Variants in STAC3 observed in about 807,000 individuals in gnomAD.
The protein encoded by STAC3 is SH3 and cysteine rich domain 3.
Under a neutral mutation model 48.5 loss-of-function variants are expected in STAC3, and 30 were observed. The observed-to-expected ratio is 0.62, with a 90% CI of 0.46 to 0.84. The LOEUF is 0.84. Among genes scored for constraint, STAC3 ranks in the 40% least tolerant of loss-of-function variants. STAC3 has a pLI of 0.00. For synonymous variants in STAC3, 144 were observed against 158.6 expected (o/e 0.91, Z 0.69); for missense variants, 419 against 462.6 (o/e 0.91, Z 0.86).
At position 57,249,034 on chromosome 12, in the gene STAC3, G is replaced by T; in HGVS notation, c.334+7C>A. The T allele has an allele frequency of 6.3e-7, 1 of 1,582,154 alleles. No individual in the cohort carries two copies. The highest frequency in any genetic ancestry group is 1.2e-5 in the South Asian group (1 of 84,786). ...TCATACTCTCTTCACTTCCCTTCAT[G>T]ACTCACGAACAATCATCCGGGCACA... is the stretch of plus-strand genomic sequence containing the variant. On this transcript the variant is annotated splice_region_variant and intron_variant, in intron 3 of 11. Transcript: ENST00000332782.
At chr12:57,249,458 G>A (rs2037847520) in intron 2 of STAC3, 113 bp downstream of exon 2, 18 of 1,506,340 alleles carry the variant, frequency 1.2e-5, no homozygotes, top group Admixed American at 1.8e-5. Context: ...GGGACTGCAG[G>A]TGCTGGCCAG....
chr12:57,249,333 CA>C (rs770908410), intron 2 of STAC3, 25 bp from the exon 3 acceptor site: 46 of 1,552,230 alleles, frequency 3.0e-5, no homozygotes, highest in Non-Finnish European at 3.8e-5. Flanking sequence ...GAAGAAAACC[CA>C]ATGTTAAAAG....
chr12:57,248,029 A>C lies in STAC3; in HGVS notation c.505+97T>G, dbSNP rs543271485. On this transcript the variant is annotated intron_variant, in intron 5 of 11. Transcript: ENST00000332782. ...GTTGAGGGAGAATTATGGGAAACAG[A>C]AAGTTTCTGTTTCAGAATTTGGCTC... 374 of 1,105,836 alleles carry C rather than the reference A, an allele frequency of 3.4e-4. 2 individuals carry two copies. Among genetic ancestry groups the C allele is most frequent in the Non-Finnish European group, 4.9e-4 (352 of 719,272 alleles). The allele number at this position is 1,105,836 out of a possible 1,614,324, so 68.5% of individuals were successfully genotyped here. A position where few individuals can be genotyped will look rare whatever the true frequency, so the allele number is the denominator to read the frequency against.
chr12:57,244,381 G>C lies in STAC3; in HGVS notation c.807-15C>G. The C allele has an allele frequency of 1.9e-6, 3 of 1,614,032 alleles. No individual in the cohort carries two copies. The highest frequency in any genetic ancestry group is 2.5e-6 in the Non-Finnish European group (3 of 1,180,026). ...TCTCTCCTGGCCTGGGAGGGGAAGG[G>C]AGGGGCCTCACTCACATAGCAGGTC... is the stretch of plus-strand genomic sequence containing the variant. On this transcript the variant is annotated splice_polypyrimidine_tract_variant and intron_variant, in intron 9 of 11. Transcript: ENST00000332782.
At chr12:57,245,946 C>T (rs1374551103) in intron 6 of STAC3, among the ~76,000 whole-genome samples, 1 of 151,758 alleles carries the variant, frequency 6.6e-6, no homozygotes, top group Non-Finnish European at 1.5e-5. Context: ...CTCCTCTCTA[C>T]TAAAAATACA....
rs1209001742 is a variant in STAC3 at position 57,243,594 on chromosome 12, G to T, written c.*218C>A. 5 of 698,368 alleles carry T rather than the reference G, an allele frequency of 7.2e-6. No individual in the cohort carries two copies. Among genetic ancestry groups the T allele is most frequent in the Non-Finnish European group, 1.0e-5 (4 of 383,630 alleles). 43.3% of individuals were successfully genotyped at this position (698,368 alleles called of 1,614,324 possible). On this transcript the variant is annotated 3_prime_UTR_variant, in exon 12 of 12. Transcript: ENST00000332782. ...AGCTCTTGCAAGCGGGGCCTGAAAG[G>T]TTTCGGGTCCGGGCTGCTCTGGGCA...
At position 57,248,633 on chromosome 12, in the gene STAC3, AAAGT is replaced by A. The variant is rs2037821325; in HGVS notation, c.432+69_432+72del. On this transcript the variant is annotated intron_variant, in intron 4 of 11. Coordinates refer to ENST00000332782, the MANE Select transcript of STAC3 (RefSeq NM_145064.3). The stretch of plus-strand genomic sequence containing the variant: ...CGTGATCCGCCCACCTCAGCCTCCC[AAAGT>A]GCTGGGATTACAGGCGTGAGCCACC... 4 of 1,238,274 alleles carry A rather than the reference AAAGT, an allele frequency of 3.2e-6. No homozygotes were observed. In the South Asian group the frequency reaches 4.8e-5, roughly 15 times the overall value. 76.7% of individuals were successfully genotyped at this position (1,238,274 alleles called of 1,614,324 possible). A position where few individuals can be genotyped will look rare whatever the true frequency, so the allele number is the denominator to read the frequency against.
rs372885898 is a variant in STAC3 at position 57,244,637 on chromosome 12, G to A, written c.721-15C>T. 56 of 1,613,966 alleles carry A rather than the reference G, an allele frequency of 3.5e-5. No homozygotes were observed. The highest frequency in any genetic ancestry group is 4.3e-5 in the Non-Finnish European group (51 of 1,179,958). Reference sequence around the variant, plus strand: ...GGCTGCTTGTGCTGGGGGTGCAAGGGAATGATGAGTCTTAGGGCTCCTCTA... The same window carrying A: ...GGCTGCTTGTGCTGGGGGTGCAAGGAAATGATGAGTCTTAGGGCTCCTCTA... On this transcript the variant is annotated splice_polypyrimidine_tract_variant and intron_variant, in intron 8 of 11. Transcript: ENST00000332782.
In STAC3 at chr12:57,243,743, C is replaced by G. The variant is rs371377048; in HGVS notation, c.*69G>C. ...CAGCAGTCCCGTTGCTTTCGCCCCC[C>G]TCCCCAAACTCCACTGGGCCCGCCC... On this transcript the variant is annotated 3_prime_UTR_variant, in exon 12 of 12. Coordinates refer to ENST00000332782, the MANE Select transcript of STAC3 (RefSeq NM_145064.3). 6.9e-7 allele frequency: 1 copy of G among 1,455,890 alleles called. No homozygotes were observed. The highest frequency in any genetic ancestry group is 9.6e-7 in the Non-Finnish European group (1 of 1,046,434). The allele number at this position is 1,455,890 out of a possible 1,614,324, so 90.2% of individuals were successfully genotyped here.
intron 1 of STAC3, chr12:57,249,858 C>T (rs928991662): frequency 7.9e-5 from 37 of 470,634 alleles, no homozygotes; most frequent in South Asian, 1.8e-4. Flanking sequence ...CAGCCTGAAG[C>T]GATCCCCCTA....
rs1039430139 is a variant in STAC3 at position 57,245,228 on chromosome 12, A to T, written c.604-17T>A. 4 of 1,613,318 alleles carry T rather than the reference A, an allele frequency of 2.5e-6. No individual in the cohort carries two copies. The highest frequency in any genetic ancestry group is 3.4e-6 in the Non-Finnish European group (4 of 1,179,480). Reference sequence around the variant, plus strand: ...TGCTACAGGCTGGAGGGGGCACCAGAGTTAGGGAGACGCTGTCTTGGGAAC... The same window carrying T: ...TGCTACAGGCTGGAGGGGGCACCAGTGTTAGGGAGACGCTGTCTTGGGAAC... On this transcript the variant is annotated splice_polypyrimidine_tract_variant and intron_variant, in intron 6 of 11. Transcript: ENST00000332782.
rs1175133758 is a variant in STAC3, at chr12:57,244,123, G to T, written c.961C>A (p.Arg321Ser). ...HRVTRSFVGN[R>S]EIGQITLKKD... The stretch of plus-strand genomic sequence containing the variant: ...TTGAGAGTGATCTGCCCTATCTCGC[G>T]GTTCCCCACGAAGGATCTCGTCACG... Residue 321 changes from arginine to serine, a missense_variant, in exon 11 of 12, where the codon CGC becomes AGC. Transcript: ENST00000332782. 1.5e-5 allele frequency: 24 copies of T among 1,613,968 alleles called. No individual in the cohort carries two copies. The highest frequency in any genetic ancestry group is 4.4e-5 in the South Asian group (4 of 91,080).
chr12:57,247,022 G>T, intron 5 of STAC3, 121 bp from the exon 6 acceptor site: 1 of 888,386 alleles, frequency 1.1e-6, no homozygotes, highest in Non-Finnish European at 1.8e-6. Flanking sequence ...TGGCGGTGGG[G>T]GCGCCGCGGG....
chr12:57,244,129 C>G lies in STAC3; in HGVS notation c.955G>C (p.Gly319Arg), dbSNP rs2037673834. Residue 319 changes from glycine (G) to arginine (R), a missense_variant, in exon 11 of 12, where the codon GGG (glycine) becomes CGG (arginine). By Grantham distance (125) the Gly-to-Arg change is moderately radical (BLOSUM62 -2). Transcript: ENST00000332782. Reference protein sequence around the residue: ...RVHRVTRSFVGNREIGQITLK... With the variant: ...RVHRVTRSFVRNREIGQITLK... ...GTGATCTGCCCTATCTCGCGGTTCC[C>G]CACGAAGGATCTCGTCACGCGGTGC... 1 of 1,614,004 alleles carries G rather than the reference C, an allele frequency of 6.2e-7. No individual in the cohort carries two copies. The highest frequency in any genetic ancestry group is 1.3e-5 in the African/African-American group (1 of 74,918).
intron 9 of STAC3, 58 bp downstream of exon 9, chr12:57,244,479 A>G: frequency 1.2e-6 from 2 of 1,612,458 alleles, no homozygotes; most frequent in Non-Finnish European, 1.7e-6. Context: ...CCCTTGGGGG[A>G]ACCCAGCTCT....
chr12:57,249,243 T>TG lies in STAC3; in HGVS notation c.131dup (p.Glu45ArgfsTer21). ...CTGCCTCCCCATTGGCCTGGGGCTC[T>TG]GGGGGAAGTTCCATCTCCTTTGTCC... On this transcript the variant is annotated frameshift_variant, in exon 3 of 12. Transcript: ENST00000332782. LOFTEE classifies it high-confidence loss of function. 3 of 1,613,962 alleles carry TG rather than the reference T, an allele frequency of 1.9e-6. No individual in the cohort carries two copies. Among genetic ancestry groups the TG allele is most frequent in the Non-Finnish European group, 2.5e-6 (3 of 1,179,936 alleles).
rs2037698645 is a variant in STAC3 at position 57,244,974 on chromosome 12, G to C, written c.671-9C>G. The C allele has an allele frequency of 6.2e-7, 1 of 1,613,960 alleles. No homozygotes were observed. The highest frequency in any genetic ancestry group is 1.3e-5 in the African/African-American group (1 of 74,900). On this transcript the variant is annotated splice_polypyrimidine_tract_variant and intron_variant, in intron 7 of 11. Coordinates refer to ENST00000332782, the MANE Select transcript of STAC3 (RefSeq NM_145064.3). ...ATCCCCTTCAGGGTTTCCTGGGATA[G>C]GAAACACCAACAAATTGTCTGTCTC...
At position 57,249,108 on chromosome 12, in the gene STAC3, G is replaced by A. The variant is rs953484055; in HGVS notation, c.267C>T (p.Pro89=). ...PEPPKLVNDK[P]HKFKDHFFKK... is the part of the protein sequence containing the mutation. The stretch of plus-strand genomic sequence containing the variant: ...TGAAGAAGTGATCTTTGAATTTGTG[G>A]GGCTTATCGTTGACCAGCTTAGGAG... Residue 89 remains proline (P), a synonymous_variant, in exon 3 of 12, where the codon CCC becomes CCT. Transcript: ENST00000332782. 6.2e-7 allele frequency: 1 copy of A among 1,612,302 alleles called. No homozygotes were observed. The highest frequency in any genetic ancestry group is 1.3e-5 in the African/African-American group (1 of 74,822).
At chr12:57,246,954 T>G (rs1230008279) in intron 5 of STAC3, 53 bp from the exon 6 acceptor site, 7 of 1,562,866 alleles carry the variant, frequency 4.5e-6, no homozygotes, top group Non-Finnish European at 6.2e-6. Context: ...GAGAAAGGCT[T>G]GGAGGAAAGG....
Sources: gnomAD v4.1 joint callset for allele counts (sites outside exome capture counted in the v4.1 genomes callset) on GRCh38, gnomAD v4.1.1 for gene constraint, MANE v1.5 for transcripts, NCBI Gene and HGNC (gene_info 2026-07-23, HGNC 2026-07-21) for gene names.